The following NXPH1 variants were observed in gnomAD, a reference collection of about 807,000 sequenced individuals.
NXPH1 encodes the protein neurexophilin 1, also known as neurexophilin-1.
Under a neutral mutation model 23.7 loss-of-function variants are expected in NXPH1, and 5 were observed. That is an observed-to-expected ratio of 0.21 (90% CI 0.11 to 0.44). The LOEUF is 0.44. Among genes scored for constraint, NXPH1 ranks in the 20% least tolerant of loss-of-function variants. The pLI is 0.99. For synonymous variants in NXPH1, 144 were observed against 122.2 expected, an observed-to-expected ratio of 1.18 and a Z score of -1.18; for missense variants, 324 against 321.6, an observed-to-expected ratio of 1.01 and a Z score of -0.06.
chr7:8,463,081 A>G (rs1444470238), intron 2 of NXPH1, among the ~76,000 whole-genome samples: 1 of 152,216 alleles, frequency 6.6e-6, no homozygotes, highest in Admixed American at 6.5e-5. Context: ...ATTGGAATTT[A>G]CTGACAAATA....
At chr7:8,445,941 C>T (rs1250085241) in intron 2 of NXPH1, among the ~76,000 whole-genome samples, 3 of 152,138 alleles carry the variant, frequency 2.0e-5, no homozygotes, top group Admixed American at 6.5e-5. Context: ...TTTAGTCATG[C>T]GCACTCCAAC....
chr7:8,653,425 C>T (rs755878329), intron 2 of NXPH1, among the ~76,000 whole-genome samples: 16 of 152,094 alleles, frequency 1.1e-4, no homozygotes, highest in Non-Finnish European at 1.0e-4. Context: ...ATTTCTATAG[C>T]GCTCGTAAGC....
chr7:8,623,942 T>A (rs1034244019), intron 2 of NXPH1, among the ~76,000 whole-genome samples: 5 of 152,142 alleles, frequency 3.3e-5, no homozygotes, highest in African/African-American at 4.8e-5. Context: ...TGTGACATAA[T>A]GTTAAAAAAT....
intron 2 of NXPH1, among the ~76,000 whole-genome samples, chr7:8,515,653 G>C (rs1223415731): frequency 1.3e-5 from 2 of 152,038 alleles, no homozygotes; most frequent in African/African-American, 4.8e-5. Context: ...TTTTACCATG[G>C]TGTTCTAAAG....
rs574167832 is a variant in NXPH1, at chr7:8,497,889, T to C, written c.54+62122T>C. On this transcript the variant is annotated intron_variant, in intron 2 of 2. Coordinates refer to ENST00000405863, the MANE Select transcript of NXPH1 (RefSeq NM_152745.3). The stretch of plus-strand genomic sequence containing the variant: ...TTAATTAGATCCCATTTGTCAATTT[T>C]GGATTTTGTTGCCATTGCTTTGGTG... Among the ~76,000 whole-genome samples, 6 of 152,266 alleles carry C rather than the reference T, an allele frequency of 3.9e-5. No homozygotes were observed. The East Asian group carries it at 1.2e-3, about 30-fold the overall frequency.
At chr7:8,572,009 A>G (rs1325858603) in intron 2 of NXPH1, among the ~76,000 whole-genome samples, 2 of 152,032 alleles carry the variant, frequency 1.3e-5, no homozygotes, top group Non-Finnish European at 2.9e-5. Context: ...CAGATTGTGG[A>G]ATCTCTAAAT....
chr7:8,487,158 T>G (rs933264347), intron 2 of NXPH1, among the ~76,000 whole-genome samples: 1 of 152,160 alleles, frequency 6.6e-6, no homozygotes, highest in Non-Finnish European at 1.5e-5. Context: ...CTTTTGTTTC[T>G]CCTCAATATG....
At chr7:8,562,176 C>T (rs762872825) in intron 2 of NXPH1, among the ~76,000 whole-genome samples, 1 of 151,616 alleles carries the variant, frequency 6.6e-6, no homozygotes, top group African/African-American at 2.4e-5. Flanking sequence ...TTTTAATTTG[C>T]TCAAGATCAA....
intron 2 of NXPH1, among the ~76,000 whole-genome samples, chr7:8,488,481 A>G (rs1200981471): frequency 6.6e-6 from 1 of 152,134 alleles, no homozygotes; most frequent in Non-Finnish European, 1.5e-5. Flanking sequence ...TATAGAAATC[A>G]AAATGACTGA....
At chr7:8,606,334 T>C (rs751102546) in intron 2 of NXPH1, among the ~76,000 whole-genome samples, 6 of 152,110 alleles carry the variant, frequency 3.9e-5, no homozygotes, top group Non-Finnish European at 7.4e-5. Context: ...ACGTAACCCC[T>C]AACCACATAC....
chr7:8,587,856 G>A (rs1021833821), intron 2 of NXPH1, among the ~76,000 whole-genome samples: 14 of 152,116 alleles, frequency 9.2e-5, no homozygotes, highest in African/African-American at 1.9e-4. Flanking sequence ...TGGTGTATAT[G>A]TGTCACATTT....
chr7:8,517,627 C>T (rs551072158), intron 2 of NXPH1, among the ~76,000 whole-genome samples: 55 of 152,172 alleles, frequency 3.6e-4, no homozygotes, highest in Admixed American at 9.2e-4. Context: ...AGAGAACATA[C>T]GGCACTGGAT....
intron 2 of NXPH1, among the ~76,000 whole-genome samples, chr7:8,506,592 T>G (rs1817527216): frequency 6.6e-6 from 1 of 151,964 alleles, no homozygotes; most frequent in African/African-American, 2.4e-5. Context: ...GTAGGGACAG[T>G]GTGTGTTTGA....
chr7:8,521,861 C>A (rs866949254), intron 2 of NXPH1, among the ~76,000 whole-genome samples: 1 of 151,792 alleles, frequency 6.6e-6, no homozygotes, highest in African/African-American at 2.4e-5. Flanking sequence ...TGGGTGGAAG[C>A]GATTTGAAGG....
chr7:8,732,989 T>C (rs546344258), intron 2 of NXPH1, among the ~76,000 whole-genome samples: 7 of 152,286 alleles, frequency 4.6e-5, no homozygotes, highest in Non-Finnish European at 1.0e-4. Context: ...CAACCCATCA[T>C]CTACATTAAG....
chr7:8,534,335 G>A (rs1817994392), intron 2 of NXPH1, among the ~76,000 whole-genome samples: 1 of 152,106 alleles, frequency 6.6e-6, no homozygotes, highest in Non-Finnish European at 1.5e-5. Context: ...TTCTAATAAA[G>A]TGATTACTAA....
chr7:8,491,510 C>T (rs1817247205), intron 2 of NXPH1, among the ~76,000 whole-genome samples: 1 of 152,030 alleles, frequency 6.6e-6, no homozygotes, highest in African/African-American at 2.4e-5. Flanking sequence ...CAGATTACAT[C>T]ACGATCTCCA....
chr7:8,456,510 G>T (rs555179426), intron 2 of NXPH1, among the ~76,000 whole-genome samples: 14 of 152,258 alleles, frequency 9.2e-5, no homozygotes, highest in Non-Finnish European at 1.6e-4. Flanking sequence ...GGAATTGCAG[G>T]TTTAAGGAAA....
intron 2 of NXPH1, among the ~76,000 whole-genome samples, chr7:8,604,606 G>T (rs1355637645): frequency 2.0e-5 from 3 of 152,112 alleles, no homozygotes; most frequent in South Asian, 2.1e-4. Context: ...GAGCTTCATG[G>T]TTATATGTTT....
Sources: allele counts gnomAD v4.1 joint callset (sites outside exome capture counted in the v4.1 genomes callset), GRCh38; gene constraint gnomAD v4.1.1; transcripts MANE v1.5; gene names NCBI Gene and HGNC (gene_info 2026-07-23, HGNC 2026-07-21).